Variants in STK32B observed in about 807,000 individuals in gnomAD.
STK32B encodes the protein serine/threonine kinase 32B.
In STK32B, 43 loss-of-function variants were observed where a neutral mutation model predicts 52.6. That is an observed-to-expected ratio of 0.82 (90% CI 0.64 to 1.05). STK32B has a LOEUF of 1.05. Ranked by LOEUF, STK32B falls within the 50% of genes least tolerant of loss-of-function variation. STK32B has a pLI of 0.00. For synonymous variants in STK32B, 238 were observed against 204.3 expected (o/e 1.17, Z -1.41); for missense variants, 621 against 534.6 (o/e 1.16, Z -1.59).
rs139802622 is a variant in STK32B, at chr4:5,345,755, C to T, written c.434+14362C>T. Among the ~76,000 whole-genome samples, 5 of 152,354 alleles carry T rather than the reference C, an allele frequency of 3.3e-5. No individual in the cohort carries two copies. The East Asian group carries it at 9.6e-4, about 29-fold the overall frequency. On this transcript the variant is annotated intron_variant, in intron 4 of 11. Coordinates refer to ENST00000282908, the MANE Select transcript of STK32B (RefSeq NM_018401.3). ...TCTGATAACCTATGGTAATCAAGTTCTTCAACAACACGTATCCATAGAATT... is the reference window on the plus strand; with the variant it reads ...TCTGATAACCTATGGTAATCAAGTTTTTCAACAACACGTATCCATAGAATT...
intron 4 of STK32B, among the ~76,000 whole-genome samples, chr4:5,362,645 C>T (rs1272535367): frequency 6.6e-6 from 1 of 152,184 alleles, no homozygotes; most frequent in Non-Finnish European, 1.5e-5. Flanking sequence ...GAAAGCCTGA[C>T]AGCCACCACG....
chr4:5,140,056 A>G, intron 2 of STK32B, 96 bp downstream of exon 2: 2 of 1,530,404 alleles, frequency 1.3e-6, no homozygotes, highest in Non-Finnish European at 1.8e-6. Context: ...GTTCTGTTTG[A>G]CAGTAAGATT....
chr4:5,413,183 C>G lies in STK32B; in HGVS notation c.473-3662C>G, dbSNP rs1374407304. ...CCCACAAGGCCCTATTAATATTATC[C>G]CCTTCTTACAGTTGAGGAATCTGAG... is the stretch of plus-strand genomic sequence containing the variant. On this transcript the variant is annotated intron_variant, in intron 5 of 11. Coordinates refer to ENST00000282908, the MANE Select transcript of STK32B (RefSeq NM_018401.3). Among the ~76,000 whole-genome samples the G allele has an allele frequency of 4.6e-5, 7 of 152,132 alleles. 1 individual carries two copies. Among genetic ancestry groups the G allele is most frequent in the African/African-American group, 7.2e-5 (3 of 41,414 alleles).
At chr4:5,486,097 A>G (rs1236769920) in intron 11 of STK32B, among the ~76,000 whole-genome samples, 1 of 152,176 alleles carries the variant, frequency 6.6e-6, no homozygotes, top group Non-Finnish European at 1.5e-5. Context: ...TGGGAGGACC[A>G]CTACTTTCGG....
intron 11 of STK32B, among the ~76,000 whole-genome samples, chr4:5,472,574 G>C (rs939047469): frequency 2.0e-5 from 3 of 152,162 alleles, no homozygotes; most frequent in Non-Finnish European, 4.4e-5. Flanking sequence ...GAGCAGGGCT[G>C]ATTTTTCCAA....
At chr4:5,335,702 G>A (rs1365745399) in intron 4 of STK32B, among the ~76,000 whole-genome samples, 2 of 152,028 alleles carry the variant, frequency 1.3e-5, no homozygotes, top group Non-Finnish European at 2.9e-5. Flanking sequence ...TGGTTTCAAA[G>A]AACATCTTTA....
chr4:5,222,064 A>G (rs1723573591), intron 3 of STK32B, among the ~76,000 whole-genome samples: 1 of 152,146 alleles, frequency 6.6e-6, no homozygotes, highest in African/African-American at 2.4e-5. Flanking sequence ...ATGCAGCATC[A>G]AAGTGCCATC....
intron 3 of STK32B, among the ~76,000 whole-genome samples, chr4:5,205,701 C>T (rs1012978529): frequency 4.0e-5 from 3 of 74,280 alleles, no homozygotes; most frequent in African/African-American, 9.3e-5. Context: ...CAGGCGCGCG[C>T]GCGTGTGTGT....
At chr4:5,043,436 ATC>A in the STK32B span, among the ~76,000 whole-genome samples, 2 of 152,204 alleles carry the variant, frequency 1.3e-5, no homozygotes, top group Non-Finnish European at 2.9e-5. Flanking sequence ...TTTTGCTTAT[ATC>A]TCTCATAAAT....
At chr4:5,072,276 A>G (rs1471880773) in intron 1 of STK32B, among the ~76,000 whole-genome samples, 1 of 152,092 alleles carries the variant, frequency 6.6e-6, no homozygotes, top group Admixed American at 6.6e-5. Context: ...TGGCAACCCC[A>G]CATTTACATT....
chr4:5,023,033 T>G, the STK32B span, among the ~76,000 whole-genome samples: 748 of 150,678 alleles, frequency 5.0e-3, 6 homozygotes, highest in African/African-American at 0.017. Flanking sequence ...ATGTGTGTGT[T>G]TGTGTGTGTC....
the STK32B span, among the ~76,000 whole-genome samples, chr4:5,041,197 G>GAGCTGTGA: frequency 6.6e-6 from 1 of 152,132 alleles, no homozygotes; most frequent in Non-Finnish European, 1.5e-5. Flanking sequence ...GCCTTTTAAA[G>GAGCTGTGA]AGCTGTGACA....
At chr4:5,166,583 C>A (rs538595624) in intron 2 of STK32B, among the ~76,000 whole-genome samples, 1 of 150,866 alleles carries the variant, frequency 6.6e-6, no homozygotes, top group African/African-American at 2.4e-5. Flanking sequence ...GAGCCTAGGA[C>A]GGAAGAGCTG....
chr4:5,418,412 G>T (rs1712338472), intron 6 of STK32B, among the ~76,000 whole-genome samples: 1 of 152,176 alleles, frequency 6.6e-6, no homozygotes, highest in African/African-American at 2.4e-5. Flanking sequence ...AATGATATAA[G>T]AAATACATGT....
chr4:5,466,836 T>G lies in STK32B; in HGVS notation c.1041+2T>G. The G allele has an allele frequency of 6.2e-7, 1 of 1,612,882 alleles. No individual in the cohort carries two copies. The highest frequency in any genetic ancestry group is 1.7e-5 in the Admixed American group (1 of 59,834). On this transcript the variant is annotated splice_donor_variant, in intron 10 of 11. Transcript: ENST00000282908. LOFTEE classifies it high-confidence loss of function. ...GGCACAAAGGACAGCTGCCCGCTGGTGAGTGCTTCGTGGGAGCCGTTCCGG... is the reference window on the plus strand; with the variant it reads ...GGCACAAAGGACAGCTGCCCGCTGGGGAGTGCTTCGTGGGAGCCGTTCCGG...
intron 3 of STK32B, among the ~76,000 whole-genome samples, chr4:5,268,508 T>G (rs538117916): frequency 5.9e-5 from 9 of 151,952 alleles, no homozygotes; most frequent in African/African-American, 2.2e-4. Context: ...TACCCTGATT[T>G]ACTAAGCACT....
intron 3 of STK32B, among the ~76,000 whole-genome samples, chr4:5,308,286 G>A (rs1730062814): frequency 6.6e-6 from 1 of 152,208 alleles, no homozygotes; most frequent in African/African-American, 2.4e-5. Flanking sequence ...GATTCTCTTG[G>A]CTTTCTTGGT....
At chr4:5,491,024 T>C (rs1719688932) in intron 11 of STK32B, among the ~76,000 whole-genome samples, 1 of 152,170 alleles carries the variant, frequency 6.6e-6, no homozygotes, top group South Asian at 2.1e-4. Flanking sequence ...AATAGTGCCA[T>C]AATAAACAGA....
rs530737747 is a variant in STK32B, at chr4:5,338,231, C to G, written c.434+6838C>G. ...TTGCATATAACTTTGATACAAATAA[C>G]AGAAACAAACACAGCAAAATGAAGA... On this transcript the variant is annotated intron_variant, in intron 4 of 11. Coordinates refer to ENST00000282908, the MANE Select transcript of STK32B (RefSeq NM_018401.3). 9.3e-5 allele frequency among the ~76,000 whole-genome samples: 14 copies of G among 151,278 alleles called. No individual in the cohort carries two copies. In the South Asian group the frequency reaches 2.7e-3, roughly 30 times the overall value.
Sources: allele counts gnomAD v4.1 joint callset (sites outside exome capture counted in the v4.1 genomes callset), GRCh38; gene constraint gnomAD v4.1.1; transcripts MANE v1.5; gene names NCBI Gene and HGNC (gene_info 2026-07-23, HGNC 2026-07-21).